The following VPS53 variants were observed in gnomAD, a reference collection of about 807,000 sequenced individuals.
VPS53 encodes the protein vacuolar protein sorting-associated protein 53 homolog.
Under a neutral mutation model 107.0 loss-of-function variants are expected in VPS53, and 70 were observed. The observed-to-expected ratio is 0.65, with a 90% CI of 0.54 to 0.80. The LOEUF is 0.80. VPS53 is among the 30% of genes least tolerant of loss of function. The pLI, the probability that VPS53 is intolerant of heterozygous loss-of-function variation, is 0.00. For synonymous variants in VPS53, 409 were observed against 393.3 expected (o/e 1.04, Z -0.47); for missense variants, 917 against 1,049.4 (o/e 0.87, Z 1.74).
chr17:702,993 C>G (rs1973264169), intron 2 of VPS53, among the ~76,000 whole-genome samples: 1 of 152,146 alleles, frequency 6.6e-6, no homozygotes, highest in South Asian at 2.1e-4. Flanking sequence ...GTTTCCTAAG[C>G]TCAGCAGTTC....
At chr17:648,229 T>C (rs1970784685) in intron 7 of VPS53, among the ~76,000 whole-genome samples, 1 of 152,138 alleles carries the variant, frequency 6.6e-6, no homozygotes, top group African/African-American at 2.4e-5. Context: ...AGAGCATTCT[T>C]GATCAGACTA....
intron 12 of VPS53, among the ~76,000 whole-genome samples, chr17:597,098 A>T (rs1350147764): frequency 6.6e-6 from 1 of 152,068 alleles, no homozygotes; most frequent in Non-Finnish European, 1.5e-5. Flanking sequence ...TATCTTGGCA[A>T]CTGATTGCTC....
intron 17 of VPS53, among the ~76,000 whole-genome samples, chr17:545,816 G>C (rs1911137259): frequency 6.6e-6 from 1 of 152,226 alleles, no homozygotes; most frequent in South Asian, 2.1e-4. Flanking sequence ...GGTAGTCTAG[G>C]TACTATGGTG....
chr17:644,102 G>A (rs1010781036), intron 7 of VPS53, among the ~76,000 whole-genome samples: 18 of 152,134 alleles, frequency 1.2e-4, no homozygotes, highest in East Asian at 3.8e-4. Context: ...TCCCTTTCAC[G>A]GATATGCTTA....
Position 714,624 on chromosome 17 carries a change from T to C in VPS53, c.86A>G (p.Gln29Arg). ...CCTCCTGAGGGGCGGAACGCTTACC[T>C]GCTCGATGGCCAGCTGCACCTCGGG... ...LTPEVQLAIE[Q>R]VFPSQDPLDR... The change falls in exon 1 of 22, where the codon CAG becomes CGG. Residue 29 changes from glutamine to arginine, a missense_variant and splice_region_variant. By Grantham distance (43) the Gln-to-Arg change is conservative. Coordinates refer to ENST00000437048, the MANE Select transcript of VPS53 (RefSeq NM_001128159.3). 7 of 1,611,024 alleles carry C rather than the reference T, an allele frequency of 4.3e-6. No homozygotes were observed. The highest frequency in any genetic ancestry group is 2.2e-5 in the East Asian group (1 of 44,576).
At chr17:558,891 A>G (rs1912690136) in intron 15 of VPS53, among the ~76,000 whole-genome samples, 2 of 151,308 alleles carry the variant, frequency 1.3e-5, no homozygotes, top group Non-Finnish European at 2.9e-5. Context: ...GCTACTCAGG[A>G]GGCTGAGGCA....
chr17:541,833 G>C (rs75945498), intron 17 of VPS53, among the ~76,000 whole-genome samples: 29,315 of 95,898 alleles, frequency 0.31, 6,423 homozygotes, highest in African/African-American at 0.62. Context: ...GTTTATCAAG[G>C]ACCTACCACG....
chr17:542,890 A>C (rs994312139), intron 17 of VPS53, among the ~76,000 whole-genome samples: 22 of 151,970 alleles, frequency 1.4e-4, no homozygotes, highest in Non-Finnish European at 4.4e-5. Flanking sequence ...AGGCAGGAGA[A>C]TCACTTGAAC....
At chr17:680,719 T>C (rs1217201835) in intron 4 of VPS53, among the ~76,000 whole-genome samples, 1 of 152,226 alleles carries the variant, frequency 6.6e-6, no homozygotes, top group African/African-American at 2.4e-5. Flanking sequence ...GCTTTTTTCA[T>C]TGTGTAATTC....
intron 17 of VPS53, among the ~76,000 whole-genome samples, chr17:546,435 C>T (rs994779922): frequency 2.6e-5 from 4 of 151,718 alleles, no homozygotes; most frequent in African/African-American, 9.7e-5. Context: ...GCAACCCACC[C>T]ACAGAATGGG....
At chr17:561,622 T>C in intron 14 of VPS53, among the ~76,000 whole-genome samples, 1 of 151,754 alleles carries the variant, frequency 6.6e-6, no homozygotes, top group East Asian at 1.9e-4. Flanking sequence ...TTATACATAA[T>C]TTATTTATTT....
intron 11 of VPS53, 68 bp downstream of exon 11, chr17:623,465 G>A (rs1878149008): frequency 6.4e-7 from 1 of 1,553,802 alleles, no homozygotes; most frequent in East Asian, 2.3e-5. Flanking sequence ...TCACCATACA[G>A]TGAAACCCTG....
chr17:644,519 A>C (rs1442596549), intron 7 of VPS53, among the ~76,000 whole-genome samples: 1 of 152,242 alleles, frequency 6.6e-6, no homozygotes, highest in Non-Finnish European at 1.5e-5. Context: ...CCTCTTAAAA[A>C]AACAATCCTA....
At chr17:594,332 T>G (rs1028184130) in intron 12 of VPS53, among the ~76,000 whole-genome samples, 14 of 152,306 alleles carry the variant, frequency 9.2e-5, no homozygotes, top group East Asian at 3.9e-4. Context: ...AATAAATAAA[T>G]AAAGAATGGC....
At chr17:657,189 GC>G in intron 5 of VPS53, 1 of 1,527,000 alleles carries the variant, frequency 6.5e-7, no homozygotes, top group Non-Finnish European at 9.0e-7. Context: ...TTCCTTTTGT[GC>G]CCACAAAGAT....
chr17:582,794 A>G (rs1967108217), intron 13 of VPS53, among the ~76,000 whole-genome samples: 1 of 151,554 alleles, frequency 6.6e-6, no homozygotes, highest in Middle Eastern at 3.2e-3. Context: ...AACCTCCCTC[A>G]GAATCTCCAT....
intron 13 of VPS53, among the ~76,000 whole-genome samples, chr17:567,603 C>T (rs1288358778): frequency 6.6e-6 from 1 of 151,668 alleles, no homozygotes; most frequent in African/African-American, 2.4e-5. Flanking sequence ...CAGGCTCAAG[C>T]AATTCTCCTG....
At chr17:635,717 T>C (rs1970170046) in intron 7 of VPS53, among the ~76,000 whole-genome samples, 1 of 152,140 alleles carries the variant, frequency 6.6e-6, no homozygotes, top group South Asian at 2.1e-4. Flanking sequence ...AGATGTGTGG[T>C]ATTATTTCTG....
chr17:656,016 G>A (rs1019098279), intron 5 of VPS53, 63 bp from the exon 6 acceptor site: 1 of 1,358,204 alleles, frequency 7.4e-7, no homozygotes, highest in East Asian at 2.3e-5. Flanking sequence ...AAACACTTCT[G>A]CAAGTAGCTC....
Sources: allele counts gnomAD v4.1 joint callset (sites outside exome capture counted in the v4.1 genomes callset), GRCh38; gene constraint gnomAD v4.1.1; transcripts MANE v1.5; gene names NCBI Gene and HGNC (gene_info 2026-07-23, HGNC 2026-07-21).